RIMS1: variants seen among roughly 807,000 people sequenced by gnomAD.
RIMS1 encodes regulating synaptic membrane exocytosis 1, also known as regulating synaptic membrane exocytosis protein 1.
RIMS1 carries 83 observed loss-of-function variants against 214.1 expected under a neutral mutation model. The observed-to-expected ratio is 0.39, with a 90% confidence interval of 0.32 to 0.47. RIMS1 has a LOEUF of 0.47. RIMS1 is among the 20% of genes least tolerant of loss of function. The pLI is 0.99. For synonymous variants in RIMS1, 793 were observed against 786.8 expected (o/e 1.01, Z -0.13); for missense variants, 2,050 against 2,161.8 (o/e 0.95, Z 1.03).
intron 6 of RIMS1, among the ~76,000 whole-genome samples, chr6:72,215,424 T>C (rs948738843): frequency 6.6e-6 from 1 of 152,240 alleles, no homozygotes; most frequent in African/African-American, 2.4e-5. Flanking sequence ...TATGGTGTAG[T>C]GAAAAGCTCA....
In RIMS1 at chr6:71,886,884, T is replaced by C. The variant is rs528494309; in HGVS notation, c.-140T>C. ...TCCCCGGCTCTGCTGCTGCTGCTGC[T>C]GCCGCCGCCGCCGCTGCTCCTCCTC... On this transcript the variant is annotated 5_prime_UTR_variant, in exon 1 of 34. Coordinates refer to ENST00000521978, the MANE Select transcript of RIMS1 (RefSeq NM_014989.7). The C allele has an allele frequency of 5.6e-4, 488 of 869,394 alleles. No individual in the cohort carries two copies. Among genetic ancestry groups the C allele is most frequent in the East Asian group, 3.4e-3 (128 of 37,812 alleles). 53.9% of individuals were successfully genotyped at this position (869,394 alleles called of 1,614,324 possible). A position where few individuals can be genotyped will look rare whatever the true frequency, so the allele number is the denominator to read the frequency against.
At chr6:72,192,981 A>C (rs1253133406) in intron 6 of RIMS1, among the ~76,000 whole-genome samples, 1 of 152,248 alleles carries the variant, frequency 6.6e-6, no homozygotes, top group Non-Finnish European at 1.5e-5. Context: ...AATCCAATAA[A>C]GTTAACACTC....
chr6:72,166,152 C>T (rs2046226041), intron 4 of RIMS1, among the ~76,000 whole-genome samples: 1 of 152,090 alleles, frequency 6.6e-6, no homozygotes, highest in African/African-American at 2.4e-5. Flanking sequence ...ACCCTGTCCT[C>T]AGAGGACCTT....
chr6:72,081,981 C>T (rs1257664380), intron 2 of RIMS1, among the ~76,000 whole-genome samples: 1 of 152,092 alleles, frequency 6.6e-6, no homozygotes, highest in East Asian at 1.9e-4. Flanking sequence ...AAATGCACTC[C>T]AGAATGCATT....
intron 2 of RIMS1, among the ~76,000 whole-genome samples, chr6:72,077,741 T>G (rs1832277694): frequency 6.6e-6 from 1 of 152,206 alleles, no homozygotes; most frequent in Non-Finnish European, 1.5e-5. Flanking sequence ...GTTACTACCC[T>G]CAATTTACAG....
intron 1 of RIMS1, among the ~76,000 whole-genome samples, chr6:71,900,576 TG>T (rs1182969402): frequency 1.3e-5 from 2 of 152,076 alleles, no homozygotes; most frequent in Admixed American, 6.6e-5. Context: ...TTGGTGGTGA[TG>T]GCAAAATGTT....
chr6:72,347,322 G>A (rs2097299804), intron 29 of RIMS1, among the ~76,000 whole-genome samples: 1 of 151,820 alleles, frequency 6.6e-6, no homozygotes, highest in African/African-American at 2.4e-5. Context: ...CACAAAGCCT[G>A]TACCACATAC....
At chr6:71,935,473 A>T (rs1582983284) in intron 1 of RIMS1, among the ~76,000 whole-genome samples, 3 of 152,374 alleles carry the variant, frequency 2.0e-5, no homozygotes, top group Admixed American at 2.0e-4. Context: ...ATAATCACAT[A>T]ATTAAAATCT....
chr6:72,183,280 G>C, intron 6 of RIMS1, 131 bp downstream of exon 6: 1 of 765,138 alleles, frequency 1.3e-6, no homozygotes, highest in Non-Finnish European at 2.1e-6. Context: ...TAGCGTTACC[G>C]CCAGTGGAAG....
chr6:72,303,794 A>G (rs1046416971), intron 26 of RIMS1, among the ~76,000 whole-genome samples: 4 of 151,620 alleles, frequency 2.6e-5, no homozygotes, highest in African/African-American at 9.6e-5. Flanking sequence ...TGAAAGTACC[A>G]TTTTTTTAAA....
chr6:72,366,098 C>G (rs1023573823), intron 29 of RIMS1, among the ~76,000 whole-genome samples: 3 of 152,158 alleles, frequency 2.0e-5, no homozygotes, highest in African/African-American at 7.2e-5. Context: ...AAAAAGTGCT[C>G]AACAGAAGTT....
chr6:71,910,050 G>A (rs1776422655), intron 1 of RIMS1, among the ~76,000 whole-genome samples: 1 of 152,080 alleles, frequency 6.6e-6, no homozygotes, highest in African/African-American at 2.4e-5. Flanking sequence ...CTAAAAGGTA[G>A]CAGGGAAAAG....
chr6:72,297,346 G>A (rs2094194345), intron 26 of RIMS1, among the ~76,000 whole-genome samples: 1 of 151,756 alleles, frequency 6.6e-6, no homozygotes, highest in East Asian at 1.9e-4. Flanking sequence ...AAATTTTAGT[G>A]GGCTAAAAGT....
intron 2 of RIMS1, among the ~76,000 whole-genome samples, chr6:72,006,068 C>T (rs1441448189): frequency 5.9e-5 from 9 of 152,070 alleles, no homozygotes; most frequent in Admixed American, 6.5e-5. Flanking sequence ...CCTGGTTTAC[C>T]GATGGCCTTC....
intron 1 of RIMS1, among the ~76,000 whole-genome samples, chr6:71,913,943 C>A (rs910472289): frequency 6.6e-6 from 1 of 152,052 alleles, no homozygotes; most frequent in African/African-American, 2.4e-5. Context: ...CACTACTAAC[C>A]AACTCCTTCA....
intron 26 of RIMS1, among the ~76,000 whole-genome samples, chr6:72,293,532 A>C (rs1330832399): frequency 6.6e-6 from 1 of 151,926 alleles, no homozygotes; most frequent in Non-Finnish European, 1.5e-5. Flanking sequence ...GTTTAGTTAC[A>C]AACTCGGTCT....
At chr6:72,271,269 GA>G (rs1159251437) in intron 22 of RIMS1, among the ~76,000 whole-genome samples, 136 of 52,684 alleles carry the variant, frequency 2.6e-3, no homozygotes, top group Middle Eastern at 0.024. Context: ...CCATCTCAAG[GA>G]AAAAAAAAAA....
At chr6:72,262,761 T>A in intron 19 of RIMS1, 1 of 740,782 alleles carries the variant, frequency 1.3e-6, no homozygotes, top group Non-Finnish European at 1.6e-6. Flanking sequence ...TGGACACTTA[T>A]TATTTCTATA....
At chr6:72,232,481 A>G (rs1318592900) in intron 6 of RIMS1, among the ~76,000 whole-genome samples, 2 of 151,608 alleles carry the variant, frequency 1.3e-5, no homozygotes, top group African/African-American at 4.8e-5. Flanking sequence ...AGGAGTATAG[A>G]GATTTATCTT....
Sources: gnomAD v4.1 joint callset for allele counts (sites outside exome capture counted in the v4.1 genomes callset) on GRCh38, gnomAD v4.1.1 for gene constraint, MANE v1.5 for transcripts, NCBI Gene and HGNC (gene_info 2026-07-23, HGNC 2026-07-21) for gene names.